Variants in SLC25A26 observed in about 807,000 individuals in gnomAD.
The protein encoded by SLC25A26 is solute carrier family 25 member 26.
SLC25A26 carries 36 observed loss-of-function variants against 37.8 expected under a neutral mutation model. The ratio of observed to expected loss-of-function variants is 0.95; its 90% CI spans 0.73 to 1.26. The LOEUF (loss-of-function observed/expected upper bound fraction) is 1.26, where lower values mean the gene tolerates loss of function less well. SLC25A26 is among the 50% of genes most tolerant of loss of function. SLC25A26 has a pLI of 0.00. For missense variants in SLC25A26, 390 were observed against 331.1 expected (o/e 1.18, Z -1.38); for synonymous variants, 129 against 122.5 (o/e 1.05, Z -0.35).
intron 1 of SLC25A26, among the ~76,000 whole-genome samples, chr3:66,199,479 G>A (rs2071083965): frequency 6.6e-6 from 1 of 151,752 alleles, no homozygotes; most frequent in Non-Finnish European, 1.5e-5. Context: ...ACTCTTACTT[G>A]TCCCCATTGA....
chr3:66,281,562 A>G (rs772434786), intron 5 of SLC25A26, among the ~76,000 whole-genome samples: 5 of 152,118 alleles, frequency 3.3e-5, no homozygotes, highest in Non-Finnish European at 7.4e-5. Flanking sequence ...CCATGGACTC[A>G]TGGATTTTAA....
chr3:66,249,650 T>G (rs1326309088), intron 3 of SLC25A26, among the ~76,000 whole-genome samples: 2 of 152,264 alleles, frequency 1.3e-5, no homozygotes, highest in African/African-American at 2.4e-5. Context: ...AATCATGCTT[T>G]TGAAATATTC....
chr3:66,369,174 ACATT>A (rs1700206756), intron 7 of SLC25A26, among the ~76,000 whole-genome samples: 2 of 152,208 alleles, frequency 1.3e-5, no homozygotes, highest in Non-Finnish European at 2.9e-5. Flanking sequence ...TCATGTGTAC[ACATT>A]CATCATGTAT....
At chr3:66,247,289 A>G (rs1224532786) in intron 3 of SLC25A26, among the ~76,000 whole-genome samples, 2 of 152,080 alleles carry the variant, frequency 1.3e-5, no homozygotes, top group African/African-American at 4.8e-5. Context: ...ATGCACACAC[A>G]CACACAAATG....
chr3:66,221,257 T>A, intron 1 of SLC25A26, 130 bp downstream of exon 1: 2 of 1,025,520 alleles, frequency 2.0e-6, no homozygotes, highest in Non-Finnish European at 2.7e-6. Context: ...GGCAGCCAGG[T>A]CTGAGAGGGA....
At chr3:66,321,985 C>CAT (rs1406786935) in intron 5 of SLC25A26, among the ~76,000 whole-genome samples, 1 of 152,080 alleles carries the variant, frequency 6.6e-6, no homozygotes, top group African/African-American at 2.4e-5. Context: ...AGCATTAAGC[C>CAT]ATTCATGAGG....
At chr3:66,206,894 C>CT (rs1192766670) in intron 1 of SLC25A26, among the ~76,000 whole-genome samples, 6,369 of 124,528 alleles carry the variant, frequency 0.051, 195 homozygotes, top group Non-Finnish European at 0.077. Context: ...TTCTTTCTTT[C>CT]TTTTTTTTTT....
intron 1 of SLC25A26, among the ~76,000 whole-genome samples, chr3:66,236,039 G>GT (rs2072262894): frequency 6.6e-6 from 1 of 152,068 alleles, no homozygotes; most frequent in Admixed American, 6.6e-5. Flanking sequence ...AGCCTTCCAA[G>GT]TAGCTGGACC....
Position 66,378,774 on chromosome 3 carries a change from A to AAAAG in SLC25A26, c.*970_*973dup, listed in dbSNP as rs200156788. 1 of 152,702 alleles carries AAAAG rather than the reference A, an allele frequency of 6.5e-6. No homozygotes were observed. The highest frequency in any genetic ancestry group is 1.9e-4 in the East Asian group (1 of 5,192). The allele number at this position is 152,702 out of a possible 1,614,324, so 9.5% of individuals were successfully genotyped here. A position where few individuals can be genotyped will look rare whatever the true frequency, so the allele number is the denominator to read the frequency against. On this transcript the variant is annotated 3_prime_UTR_variant, in exon 10 of 10. Transcript: ENST00000354883. ...TTAAAGGCAGAATGACTGCGTTTGT[A>AAAAG]AAAGAAGGACCACCAACTATACTGA...
At chr3:66,324,973 C>G (rs993980852) in intron 5 of SLC25A26, among the ~76,000 whole-genome samples, 1 of 152,100 alleles carries the variant, frequency 6.6e-6, no homozygotes, top group Non-Finnish European at 1.5e-5. Flanking sequence ...CAGGAATTCA[C>G]AAATAAATGT....
intron 5 of SLC25A26, among the ~76,000 whole-genome samples, chr3:66,312,699 G>A (rs981699040): frequency 2.0e-5 from 3 of 152,134 alleles, no homozygotes; most frequent in African/African-American, 4.8e-5. Context: ...ATTTGGGCTG[G>A]AATGCACCAT....
chr3:66,198,573 A>T (rs2071074153), intron 1 of SLC25A26, among the ~76,000 whole-genome samples: 1 of 150,292 alleles, frequency 6.7e-6, no homozygotes, highest in Non-Finnish European at 1.5e-5. Flanking sequence ...GGCTGATCCC[A>T]CCCACACCCT....
intron 3 of SLC25A26, among the ~76,000 whole-genome samples, chr3:66,248,445 G>A (rs187145333): frequency 6.6e-6 from 1 of 152,294 alleles, no homozygotes; most frequent in East Asian, 1.9e-4. Context: ...TAGATCAAAG[G>A]TTGGGGCAGG....
chr3:66,156,199 G>A (rs1559553845), intron 1 of SLC25A26, among the ~76,000 whole-genome samples: 2 of 152,188 alleles, frequency 1.3e-5, no homozygotes, highest in Admixed American at 6.5e-5. Flanking sequence ...ACAGTGCTGA[G>A]CACTGGGGTA....
At chr3:66,149,125 G>T (rs937098998) in intron 1 of SLC25A26, among the ~76,000 whole-genome samples, 1 of 152,234 alleles carries the variant, frequency 6.6e-6, no homozygotes, top group African/African-American at 2.4e-5. Flanking sequence ...GGGATAAGTG[G>T]GTCCATGACC....
At chr3:66,235,336 C>T (rs938781934) in intron 1 of SLC25A26, among the ~76,000 whole-genome samples, 2 of 152,050 alleles carry the variant, frequency 1.3e-5, no homozygotes, top group Non-Finnish European at 2.9e-5. Context: ...TCAGTTTTTT[C>T]CCCCCAAAAT....
intron 5 of SLC25A26, among the ~76,000 whole-genome samples, chr3:66,292,275 A>G (rs2074739341): frequency 6.6e-6 from 1 of 151,966 alleles, no homozygotes; most frequent in Non-Finnish European, 1.5e-5. Flanking sequence ...TGTGTCTTTT[A>G]GTTGGGGTCA....
At chr3:66,224,793 C>G (rs782774480) in intron 1 of SLC25A26, among the ~76,000 whole-genome samples, 4 of 152,180 alleles carry the variant, frequency 2.6e-5, no homozygotes, top group Non-Finnish European at 5.9e-5. Flanking sequence ...TTCCTAGATA[C>G]AATGGGGTTA....
At chr3:66,272,367 A>T (rs887583990) in intron 5 of SLC25A26, among the ~76,000 whole-genome samples, 1 of 152,184 alleles carries the variant, frequency 6.6e-6, no homozygotes, top group Non-Finnish European at 1.5e-5. Flanking sequence ...ATATGTATTT[A>T]AAATGAGTAA....
Sources: allele counts gnomAD v4.1 joint callset (sites outside exome capture counted in the v4.1 genomes callset), GRCh38; gene constraint gnomAD v4.1.1; transcripts MANE v1.5; gene names NCBI Gene and HGNC (gene_info 2026-07-23, HGNC 2026-07-21).